Variants in RNF13 observed in about 807,000 individuals in gnomAD.
The protein encoded by RNF13 is E3 ubiquitin-protein ligase RNF13.
Under a neutral mutation model 37.7 loss-of-function variants are expected in RNF13, and 19 were observed. That is an observed-to-expected ratio of 0.50 (90% confidence interval 0.35 to 0.74). RNF13 has a LOEUF of 0.74. RNF13 is among the 30% of genes least tolerant of loss of function. The probability of loss-of-function intolerance (pLI) is 0.01; values close to 1 mark genes in which losing one functional copy is unlikely to be tolerated. For missense variants in RNF13, 375 were observed against 453.0 expected (o/e 0.83, Z 1.56); for synonymous variants, 144 against 157.8 (o/e 0.91, Z 0.65).
At chr3:149,917,414 T>C (rs1012867787) in intron 7 of RNF13, 2 of 152,214 alleles carry the variant, frequency 1.3e-5, no homozygotes, top group African/African-American at 4.8e-5. Context: ...CTCTGTATCA[T>C]TCCAATTTTA....
intron 1 of RNF13, among the ~76,000 whole-genome samples, chr3:149,843,054 C>T (rs569219592): frequency 1.3e-5 from 2 of 152,292 alleles, no homozygotes; most frequent in African/African-American, 4.8e-5. Context: ...TGGATTCAAT[C>T]AACTGCAGAG....
chr3:149,820,090 C>T, intron 1 of RNF13, among the ~76,000 whole-genome samples: 1 of 152,036 alleles, frequency 6.6e-6, no homozygotes, highest in East Asian at 1.9e-4. Flanking sequence ...ATGTTTTGCG[C>T]TTTGATGTAA....
chr3:149,891,099 A>G (rs1321233014), intron 4 of RNF13, among the ~76,000 whole-genome samples: 1 of 152,166 alleles, frequency 6.6e-6, no homozygotes, highest in Non-Finnish European at 1.5e-5. Flanking sequence ...ATCCTGATCC[A>G]TTGGGCAACC....
chr3:149,864,797 A>G (rs1160515347), intron 3 of RNF13, among the ~76,000 whole-genome samples: 1 of 152,208 alleles, frequency 6.6e-6, no homozygotes, highest in Non-Finnish European at 1.5e-5. Context: ...TGGATCTTTT[A>G]TGATTTCCCT....
intron 7 of RNF13, among the ~76,000 whole-genome samples, chr3:149,916,279 T>C (rs919102622): frequency 2.0e-5 from 3 of 152,192 alleles, no homozygotes; most frequent in Non-Finnish European, 4.4e-5. Context: ...ATTTATAATA[T>C]TCATATACTC....
chr3:149,886,913 T>A (rs1714100389), intron 4 of RNF13, among the ~76,000 whole-genome samples: 1 of 152,254 alleles, frequency 6.6e-6, no homozygotes, highest in African/African-American at 2.4e-5. Flanking sequence ...TTGTGATTTT[T>A]TGACCCATTG....
At position 149,960,120 on chromosome 3, in the gene RNF13, C is replaced by T; in HGVS notation, c.765C>T (p.Ile255=). The change falls in exon 9 of 10, where the codon ATC becomes ATT. Residue 255 remains isoleucine, a synonymous_variant. Coordinates refer to ENST00000392894, the MANE Select transcript of RNF13 (RefSeq NM_183381.3). The stretch of plus-strand genomic sequence containing the variant: ...ATGAAGATGGAGACAAACTCAGAAT[C>T]CTTCCCTGTTCCCATGGTATGAGTA... ...DEYEDGDKLR[I]LPCSHAYHCK... is the part of the protein sequence containing the mutation. 6.2e-7 allele frequency: 1 copy of T among 1,607,280 alleles called. No individual in the cohort carries two copies. The highest frequency in any genetic ancestry group is 1.1e-5 in the South Asian group (1 of 90,970).
intron 6 of RNF13, among the ~76,000 whole-genome samples, chr3:149,909,673 T>G (rs1182626090): frequency 2.0e-5 from 3 of 152,096 alleles, no homozygotes; most frequent in Non-Finnish European, 4.4e-5. Context: ...TGGAAAGCAT[T>G]AATAGGATAT....
At position 149,846,193 on chromosome 3, in the gene RNF13, TA is replaced by T. The variant is rs372772002; in HGVS notation, c.114+60del. The T allele has an allele frequency of 1.4e-4, 170 of 1,187,674 alleles. No homozygotes were observed. The African/African-American group carries it at 2.1e-3, about 14-fold the overall frequency. The allele number at this position is 1,187,674 out of a possible 1,614,324, so 73.6% of individuals were successfully genotyped here. On this transcript the variant is annotated intron_variant, in intron 2 of 9. Transcript: ENST00000392894. ...TAGAAACATCCCTTAAAGAAAAGCT[TA>T]AAAAAAGCCTGGAATGATATTTATA...
intron 6 of RNF13, among the ~76,000 whole-genome samples, chr3:149,903,526 T>G (rs1303599904): frequency 6.6e-6 from 1 of 152,134 alleles, no homozygotes; most frequent in Non-Finnish European, 1.5e-5. Flanking sequence ...TATTTGCTTA[T>G]TCACCTTAAT....
At chr3:149,829,338 G>C (rs144980842) in intron 1 of RNF13, among the ~76,000 whole-genome samples, 2 of 152,120 alleles carry the variant, frequency 1.3e-5, no homozygotes. Flanking sequence ...GACCTCGGGC[G>C]ATCCTCCTGC....
At chr3:149,883,543 A>T (rs1713660658) in intron 4 of RNF13, among the ~76,000 whole-genome samples, 1 of 152,252 alleles carries the variant, frequency 6.6e-6, no homozygotes, top group African/African-American at 2.4e-5. Context: ...ATGTATTCTT[A>T]TAATAATAAA....
chr3:149,938,983 T>G, intron 8 of RNF13: 1 of 463,506 alleles, frequency 2.2e-6, no homozygotes, highest in Non-Finnish European at 4.1e-6. Flanking sequence ...TTGTTTAAAC[T>G]ATTTTCCTAA....
chr3:149,852,650 T>C (rs1723219926), intron 3 of RNF13, 54 bp downstream of exon 3: 3 of 785,614 alleles, frequency 3.8e-6, no homozygotes, highest in Non-Finnish European at 6.0e-6. Context: ...TAAGGTGATT[T>C]TTATTGTTTA....
At chr3:149,936,872 ATT>A (rs1559962675) in intron 8 of RNF13, among the ~76,000 whole-genome samples, 1 of 152,040 alleles carries the variant, frequency 6.6e-6, no homozygotes, top group African/African-American at 2.4e-5. Context: ...CGTTTGTTGC[ATT>A]CTCTTAGACT....
At chr3:149,887,198 A>G (rs555610212) in intron 4 of RNF13, among the ~76,000 whole-genome samples, 1 of 152,318 alleles carries the variant, frequency 6.6e-6, no homozygotes, top group Non-Finnish European at 1.5e-5. Flanking sequence ...AGAGGACTTT[A>G]CATGGAACTC....
At chr3:149,885,228 CTTTGGGGAATATACCCAGCACTGAGGT>C (rs1713887406) in intron 4 of RNF13, among the ~76,000 whole-genome samples, 1 of 152,108 alleles carries the variant, frequency 6.6e-6, no homozygotes, top group Admixed American at 6.5e-5. Flanking sequence ...GATTTTCTTT[CTTTGGGGAATATACCCAGCACTGAGGT>C]TGCTGGATCA....
chr3:149,925,928 T>C (rs1718593539), intron 8 of RNF13, among the ~76,000 whole-genome samples: 1 of 152,190 alleles, frequency 6.6e-6, no homozygotes, highest in Admixed American at 6.6e-5. Context: ...TATAACTCGT[T>C]GTTTTACTTT....
chr3:149,852,515 G>T lies in RNF13; in HGVS notation c.115-1G>T. The T allele has an allele frequency of 6.7e-7, 1 of 1,484,322 alleles. No homozygotes were observed. The highest frequency in any genetic ancestry group is 9.2e-7 in the Non-Finnish European group (1 of 1,091,638). 91.9% of individuals were successfully genotyped at this position (1,484,322 alleles called of 1,614,324 possible). On this transcript the variant is annotated splice_acceptor_variant, in intron 2 of 9. Coordinates refer to ENST00000392894, the MANE Select transcript of RNF13 (RefSeq NM_183381.3). LOFTEE classifies it high-confidence loss of function. ...TTGAATATTTAAAATTTTATTTTTA[G>T]TATAACTTTGAAAATGCATCTCAGA... is the stretch of plus-strand genomic sequence containing the variant.
Sources: allele counts gnomAD v4.1 joint callset (sites outside exome capture counted in the v4.1 genomes callset), GRCh38; gene constraint gnomAD v4.1.1; transcripts MANE v1.5; gene names NCBI Gene and HGNC (gene_info 2026-07-23, HGNC 2026-07-21).